EML3: variants seen among roughly 807,000 people sequenced by gnomAD.
The protein encoded by EML3 is EMAP like 3.
A neutral mutation model predicts 106.7 loss-of-function variants in EML3; 53 were observed. The observed-to-expected ratio is 0.50, with a 90% CI of 0.40 to 0.62. The LOEUF is 0.62. EML3 is among the 20% of genes least tolerant of loss of function. The pLI is 0.00. For synonymous variants in EML3, 499 were observed against 489.6 expected, an observed-to-expected ratio of 1.02 and a Z score of -0.25; for missense variants, 994 against 1,209.1, an observed-to-expected ratio of 0.82 and a Z score of 2.64.
At chr11:62,611,396 G>A in intron 2 of EML3, 29 bp downstream of exon 2, 2 of 1,613,390 alleles carry the variant, frequency 1.2e-6, no homozygotes, top group South Asian at 1.1e-5. Flanking sequence ...CCAAGGAGGA[G>A]GAAAAATGGG....
chr11:62,607,485 C>T (rs1481129220), intron 11 of EML3, 181 bp downstream of exon 11: 6 of 642,160 alleles, frequency 9.3e-6, no homozygotes, highest in Middle Eastern at 4.6e-4. Flanking sequence ...TGCAGTGAGC[C>T]GAGATCTTGC....
At chr11:62,606,285 G>A in intron 12 of EML3, 71 bp from the exon 13 acceptor site, 1 of 1,541,184 alleles carries the variant, frequency 6.5e-7, no homozygotes, top group African/African-American at 1.4e-5. Context: ...CAGCTTGGCT[G>A]TCGCAATACA....
intron 12 of EML3, 101 bp downstream of exon 12, chr11:62,606,857 A>T: frequency 4.1e-6 from 1 of 244,456 alleles, no homozygotes; most frequent in South Asian, 1.6e-4. Flanking sequence ...ACCTCATCTC[A>T]AAAAAAAAAA....
intron 1 of EML3, chr11:62,612,128 G>C (rs1288946918): frequency 2.0e-6 from 1 of 492,932 alleles, no homozygotes; most frequent in African/African-American, 2.1e-5. Context: ...AGGTCTCAGG[G>C]GGCAGTGGGG....
chr11:62,602,879 C>T lies in EML3; in HGVS notation c.2367G>A (p.Pro789=), dbSNP rs1565051685. The T allele has an allele frequency of 6.4e-7, 1 of 1,573,972 alleles. No individual in the cohort carries two copies. Among genetic ancestry groups the T allele is most frequent in the South Asian group, 1.1e-5 (1 of 87,044 alleles). ...TGATGTCGGTCCCATCGGAGCCGTC[C>T]GGCCAGACGCCTAGCACAGCGGCCG... ...VLGFHVYGVW[P]DGSDGTDINS... The change falls in exon 21 of 22, where the codon CCG becomes CCA. Residue 789 remains proline (P), a synonymous_variant. Coordinates refer to ENST00000394773, the MANE Select transcript of EML3 (RefSeq NM_153265.3).
At chr11:62,608,001 C>A in intron 10 of EML3, 180 bp from the exon 11 acceptor site, 1 of 803,088 alleles carries the variant, frequency 1.2e-6, no homozygotes. Flanking sequence ...ATTAATCACC[C>A]TAATACCTAA....
In EML3 at chr11:62,608,235, T is replaced by G; in HGVS notation, c.1172A>C (p.Asp391Ala). ...AGCCAGCTTCATTCCCCGGCTGCAG[T>G]CCCACACCGACAGCATGTGCTCATT... ...DSNEHMLSVW[D>A]CSRGMKLAEI... is the part of the protein sequence containing the mutation. Residue 391 changes from aspartate to alanine, a missense_variant, in exon 10 of 22, where the codon GAC becomes GCC. Transcript: ENST00000394773. 6.2e-7 allele frequency: 1 copy of G among 1,613,776 alleles called. No individual in the cohort carries two copies. The highest frequency in any genetic ancestry group is 8.5e-7 in the Non-Finnish European group (1 of 1,179,980).
In EML3 at chr11:62,609,459, A is replaced by G; in HGVS notation, c.653T>C (p.Met218Thr). The G allele has an allele frequency of 6.3e-7, 1 of 1,581,860 alleles. No homozygotes were observed. The highest frequency in any genetic ancestry group is 1.4e-5 in the African/African-American group (1 of 73,890). The part of the protein sequence containing the change: ...NYNLEGISVK[M>T]FLRGRPITMY... ...GGTAATGGGGCGCCCTCGAAGGAAC[A>G]TCTTCACTGAGATGCCTTCTACAGA... Residue 218 changes from methionine to threonine, a missense_variant, in exon 6 of 22, where the codon ATG (methionine) becomes ACG (threonine). Physicochemically the swap from Met to Thr is moderately conservative, Grantham distance 81. Around this residue, in one of 3 missense-constraint regions of EML3, gnomAD observed 269 missense variants for 265.1 expected, o/e 1.01. Transcript: ENST00000394773.
chr11:62,606,499 T>C (rs1942526587), intron 12 of EML3: 1 of 510,480 alleles, frequency 2.0e-6, no homozygotes, highest in African/African-American at 1.9e-5. Flanking sequence ...GTTTCTCCTT[T>C]GCTGTGCTGC....
At chr11:62,612,167 C>G (rs546230199) in intron 1 of EML3, 43 of 511,624 alleles carry the variant, frequency 8.4e-5, no homozygotes, top group Non-Finnish European at 1.4e-4. Flanking sequence ...TGAAATACCA[C>G]GAGAAGAGGC....
chr11:62,603,935 C>G lies in EML3; in HGVS notation c.2169+9G>C. The stretch of plus-strand genomic sequence containing the variant: ...TATCATGCCCCACCACACACCCCAA[C>G]TTCCTCACCATACAGCGGCCAAAGC... On this transcript the variant is annotated intron_variant, in intron 18 of 21. Coordinates refer to ENST00000394773, the MANE Select transcript of EML3 (RefSeq NM_153265.3). 1 of 1,614,046 alleles carries G rather than the reference C, an allele frequency of 6.2e-7. No homozygotes were observed. Among genetic ancestry groups the G allele is most frequent in the Non-Finnish European group, 8.5e-7 (1 of 1,180,012 alleles).
intron 11 of EML3, 192 bp downstream of exon 11, chr11:62,607,474 T>C (rs1377017249): frequency 1.7e-6 from 1 of 581,100 alleles, no homozygotes; most frequent in African/African-American, 1.9e-5. Context: ...GAGGCAGACG[T>C]TGCAGTGAGC....
chr11:62,606,376 T>A, intron 12 of EML3, 162 bp from the exon 13 acceptor site: 1 of 865,244 alleles, frequency 1.2e-6, no homozygotes, highest in Non-Finnish European at 1.7e-6. Context: ...TCTCCCCATT[T>A]TACAAACAGG....
chr11:62,612,388 C>T (rs2134416201), intron 1 of EML3, 48 bp downstream of exon 1: 1 of 1,494,622 alleles, frequency 6.7e-7, no homozygotes, highest in Non-Finnish European at 8.9e-7. Context: ...ACCCGACGAG[C>T]CGGGCGCTCC....
chr11:62,602,544 G>A lies in EML3; in HGVS notation c.2622C>T (p.Gly874=), dbSNP rs1056795578. ...IFQWRVLGAG[G]AGPAPATPSR... is the part of the protein sequence containing the mutation. ...AGGGCGTGGCGGGCGCCGGCCCCGCGCCCCCAGCGCCCAGCACTCGCCACT... is the reference window on the plus strand; with the variant it reads ...AGGGCGTGGCGGGCGCCGGCCCCGCACCCCCAGCGCCCAGCACTCGCCACT... Residue 874 remains glycine (G), a synonymous_variant, in exon 22 of 22, where the codon GGC becomes GGT. Coordinates refer to ENST00000394773, the MANE Select transcript of EML3 (RefSeq NM_153265.3). 2 of 1,488,462 alleles carry A rather than the reference G, an allele frequency of 1.3e-6. No individual in the cohort carries two copies. The highest frequency in any genetic ancestry group is 1.4e-5 in the African/African-American group (1 of 70,782). The allele number at this position is 1,488,462 out of a possible 1,614,324, so 92.2% of individuals were successfully genotyped here. A position where few individuals can be genotyped will look rare whatever the true frequency, so the allele number is the denominator to read the frequency against.
chr11:62,611,858 C>T, intron 1 of EML3: 1 of 533,412 alleles, frequency 1.9e-6, no homozygotes, highest in Non-Finnish European at 3.3e-6. Flanking sequence ...CCATGGAGTA[C>T]CGGGGGGGAA....
chr11:62,607,979 C>T, intron 10 of EML3, 158 bp from the exon 11 acceptor site: 1 of 888,570 alleles, frequency 1.1e-6, no homozygotes, highest in South Asian at 1.7e-5. Flanking sequence ...GCACTATTTC[C>T]TGTCAATCAT....
chr11:62,609,312 G>T, intron 6 of EML3, 42 bp downstream of exon 6: 1 of 1,538,298 alleles, frequency 6.5e-7, no homozygotes, highest in East Asian at 2.3e-5. Flanking sequence ...GGGTCCCAAG[G>T]TGAGAAAGGT....
At position 62,612,475 on chromosome 11, in the gene EML3, C is replaced by T; in HGVS notation, c.-18G>A. 7.0e-7 allele frequency: 1 copy of T among 1,424,006 alleles called. No homozygotes were observed. Among genetic ancestry groups the T allele is most frequent in the East Asian group, 3.1e-5 (1 of 32,764 alleles). 88.2% of individuals were successfully genotyped at this position (1,424,006 alleles called of 1,614,324 possible). Reference sequence around the variant, plus strand: ...CCGTCCATCCGGCCCCCGGGTTGCTCCGAGCGGCGGCGGCGGAGGAGGCGT... The same window carrying T: ...CCGTCCATCCGGCCCCCGGGTTGCTTCGAGCGGCGGCGGCGGAGGAGGCGT... On this transcript the variant is annotated 5_prime_UTR_variant, in exon 1 of 22. Coordinates refer to ENST00000394773, the MANE Select transcript of EML3 (RefSeq NM_153265.3).
Sources: allele counts gnomAD v4.1 joint callset, GRCh38; gene constraint gnomAD v4.1.1; regional missense constraint gnomAD v4.1.1; transcripts MANE v1.5; gene names NCBI Gene and HGNC (gene_info 2026-07-23, HGNC 2026-07-21).